Variants in TASP1 observed in about 807,000 individuals in gnomAD.
The protein encoded by TASP1 is threonine aspartase 1.
A neutral mutation model predicts 56.6 loss-of-function variants in TASP1; 16 were observed. The ratio of observed to expected loss-of-function variants is 0.28; its 90% CI spans 0.19 to 0.43. The LOEUF (loss-of-function observed/expected upper bound fraction) is 0.43, where lower values mean the gene tolerates loss of function less well. Ranked by LOEUF, TASP1 falls within the 20% of genes least tolerant of loss-of-function variation. The pLI is 1.00. For missense variants in TASP1, 393 were observed against 511.6 expected, an observed-to-expected ratio of 0.77 and a Z score of 2.24; for synonymous variants, 179 against 184.2, an observed-to-expected ratio of 0.97 and a Z score of 0.23.
At chr20:13,253,720 T>G in the TASP1 span, among the ~76,000 whole-genome samples, 1 of 152,102 alleles carries the variant, frequency 6.6e-6, no homozygotes, top group Non-Finnish European at 1.5e-5. Context: ...GGGCCCCCAT[T>G]TTGAGAACAC....
chr20:13,399,752 C>A (rs1296035356), intron 13 of TASP1, among the ~76,000 whole-genome samples: 1 of 152,202 alleles, frequency 6.6e-6, no homozygotes, highest in Non-Finnish European at 1.5e-5. Context: ...CAGTTCATAT[C>A]ATTCCACTGC....
At chr20:13,460,085 T>A (rs1165598716) in intron 11 of TASP1, among the ~76,000 whole-genome samples, 1 of 152,122 alleles carries the variant, frequency 6.6e-6, no homozygotes, top group African/African-American at 2.4e-5. Context: ...ATCTCCTCAG[T>A]CTCTTCCCTT....
the TASP1 span, among the ~76,000 whole-genome samples, chr20:13,327,485 G>A: frequency 6.6e-6 from 1 of 152,024 alleles, no homozygotes; most frequent in Non-Finnish European, 1.5e-5. Flanking sequence ...ACCAAAAAGA[G>A]CCTGAATAGC....
At chr20:13,577,817 C>A (rs1173416484) in intron 6 of TASP1, among the ~76,000 whole-genome samples, 1 of 152,202 alleles carries the variant, frequency 6.6e-6, no homozygotes, top group Non-Finnish European at 1.5e-5. Flanking sequence ...TAAATTAATT[C>A]TAACACTAAG....
At chr20:13,126,953 A>G in the TASP1 span, among the ~76,000 whole-genome samples, 1 of 152,254 alleles carries the variant, frequency 6.6e-6, no homozygotes, top group Admixed American at 6.5e-5. Context: ...ATTTTGTGTG[A>G]TCAATTCTGT....
intron 13 of TASP1, among the ~76,000 whole-genome samples, chr20:13,412,573 G>C (rs1339321444): frequency 6.6e-6 from 1 of 152,124 alleles, no homozygotes; most frequent in Non-Finnish European, 1.5e-5. Context: ...TGTACATCAT[G>C]TTTTATACTT....
At chr20:13,247,190 C>T in the TASP1 span, among the ~76,000 whole-genome samples, 37,639 of 151,806 alleles carry the variant, frequency 0.25, 4,749 homozygotes, top group African/African-American at 0.3. Context: ...GAGATCGCAC[C>T]ATTGCACTCC....
chr20:13,397,378 CA>C (rs1349163770), intron 13 of TASP1, among the ~76,000 whole-genome samples: 1 of 151,734 alleles, frequency 6.6e-6, no homozygotes, highest in African/African-American at 2.4e-5. Flanking sequence ...CTCAAAATAC[CA>C]TGTCAGACAG....
At chr20:13,360,130 T>G in the TASP1 span, among the ~76,000 whole-genome samples, 7 of 152,074 alleles carry the variant, frequency 4.6e-5, no homozygotes, top group African/African-American at 1.7e-4. Context: ...CACCCCGTGG[T>G]GCCAAACCCA....
the TASP1 span, among the ~76,000 whole-genome samples, chr20:13,207,566 T>C: frequency 6.6e-6 from 1 of 152,358 alleles, no homozygotes; most frequent in African/African-American, 2.4e-5. Context: ...GGTGCAGTTC[T>C]GAGAACTGGA....
intron 10 of TASP1, among the ~76,000 whole-genome samples, chr20:13,522,675 G>T (rs1175032963): frequency 6.6e-6 from 1 of 152,130 alleles, no homozygotes; most frequent in Non-Finnish European, 1.5e-5. Context: ...CTCAGTTATG[G>T]AGAGAGGCCC....
intron 11 of TASP1, among the ~76,000 whole-genome samples, chr20:13,437,406 T>C (rs1478586120): frequency 1.3e-5 from 2 of 152,212 alleles, no homozygotes; most frequent in East Asian, 1.9e-4. Flanking sequence ...AATATTGTAC[T>C]GAATGGGCAA....
At chr20:13,317,617 G>C in the TASP1 span, among the ~76,000 whole-genome samples, 1,793 of 152,036 alleles carry the variant, frequency 0.012, 48 homozygotes, top group African/African-American at 0.042. Flanking sequence ...GAACAGACTA[G>C]AGAGCCAGAG....
intron 5 of TASP1, among the ~76,000 whole-genome samples, chr20:13,583,478 T>G (rs2147230717): frequency 6.6e-6 from 1 of 152,382 alleles, no homozygotes; most frequent in South Asian, 2.1e-4. Flanking sequence ...TTTATAGAGT[T>G]ACTCTTCAAT....
chr20:13,562,458 A>G (rs758434641), intron 7 of TASP1, among the ~76,000 whole-genome samples: 6 of 152,094 alleles, frequency 3.9e-5, no homozygotes, highest in South Asian at 2.1e-4. Context: ...AATAAAACCA[A>G]AAGTTAGTTC....
chr20:13,411,758 G>A (rs1280832889), intron 13 of TASP1, among the ~76,000 whole-genome samples: 1 of 152,130 alleles, frequency 6.6e-6, no homozygotes, highest in Non-Finnish European at 1.5e-5. Flanking sequence ...TTTGTTTATA[G>A]GCAAGCCGTC....
rs1261579839 is a variant in TASP1 at position 13,588,457 on chromosome 20, A to G, written c.283-1087T>C. On this transcript the variant is annotated intron_variant, in intron 4 of 13. Transcript: ENST00000337743. Reference sequence around the variant, plus strand: ...AAGAATCCACTAAAAAAAAATTAGAATTAATAAGTTTAGGAAGGTTGCAGG... The same window carrying G: ...AAGAATCCACTAAAAAAAAATTAGAGTTAATAAGTTTAGGAAGGTTGCAGG... Among the ~76,000 whole-genome samples, 3 of 152,332 alleles carry G rather than the reference A, an allele frequency of 2.0e-5. No individual in the cohort carries two copies. In the East Asian group the frequency reaches 5.8e-4, roughly 29 times the overall value.
the TASP1 span, among the ~76,000 whole-genome samples, chr20:13,302,684 G>A: frequency 1.3e-5 from 2 of 152,128 alleles, no homozygotes; most frequent in East Asian, 1.9e-4. Flanking sequence ...ATATGACCCC[G>A]CAGTAGCTGC....
At chr20:13,177,220 G>T in the TASP1 span, among the ~76,000 whole-genome samples, 1 of 151,894 alleles carries the variant, frequency 6.6e-6, no homozygotes, top group Non-Finnish European at 1.5e-5. Context: ...CAGCCTGGGT[G>T]ACAGAGTGAG....
Sources: allele counts gnomAD v4.1 joint callset (sites outside exome capture counted in the v4.1 genomes callset), GRCh38; gene constraint gnomAD v4.1.1; transcripts MANE v1.5; gene names NCBI Gene and HGNC (gene_info 2026-07-23, HGNC 2026-07-21).